The following MCM7 variants were observed in gnomAD, a reference collection of about 807,000 sequenced individuals.
MCM7 encodes the protein minichromosome maintenance complex component 7.
MCM7 carries 95 observed loss-of-function variants against 83.5 expected under a neutral mutation model. The ratio of observed to expected loss-of-function variants is 1.14; its 90% CI spans 0.96 to 1.35. The LOEUF is 1.35. Among genes scored for constraint, MCM7 ranks in the 40% most tolerant of loss-of-function variants. MCM7 has a pLI of 0.00. For synonymous variants in MCM7, 461 were observed against 352.7 expected (o/e 1.31, Z -3.44); for missense variants, 1,087 against 957.4 (o/e 1.14, Z -1.79).
chr7:100,094,303 A>C lies in MCM7; in HGVS notation c.1718T>G (p.Val573Gly). 3.1e-6 allele frequency: 5 copies of C among 1,614,184 alleles called. No homozygotes were observed. Among genetic ancestry groups the C allele is most frequent in the Non-Finnish European group, 4.2e-6 (5 of 1,180,028 alleles). Residue 573 changes from valine to glycine, a missense_variant, in exon 13 of 15, where the codon GTG (valine) becomes GGG (glycine). By Grantham distance (109) the Val-to-Gly change is moderately radical. Coordinates refer to ENST00000303887, the MANE Select transcript of MCM7 (RefSeq NM_005916.5). Reference protein sequence around the residue: ...IAMCREKQPMVPESLADYITA... With the variant: ...IAMCREKQPMGPESLADYITA... ...GATGTAGTCAGCCAGAGACTCTGGCACCATGGGCTGCTTCTCGCGGCACAT... is the reference window on the plus strand; with the variant it reads ...GATGTAGTCAGCCAGAGACTCTGGCCCCATGGGCTGCTTCTCGCGGCACAT...
intron 10 of MCM7, 90 bp from the exon 11 acceptor site, chr7:100,096,257 T>A: frequency 7.6e-7 from 1 of 1,310,402 alleles, no homozygotes; most frequent in African/African-American, 1.5e-5. Context: ...AGGCGAGGCC[T>A]GCGCTGGGAT....
At chr7:100,095,512 T>C in intron 11 of MCM7, 42 bp from the exon 12 acceptor site, 1 of 1,580,044 alleles carries the variant, frequency 6.3e-7, no homozygotes, top group Non-Finnish European at 8.7e-7. Context: ...TTTTTAGGGC[T>C]ACGCACCCAT....
intron 13 of MCM7, 189 bp downstream of exon 13, chr7:100,093,984 T>C (rs951381155): frequency 7.5e-6 from 6 of 800,150 alleles, no homozygotes; most frequent in Non-Finnish European, 8.9e-6. Context: ...CCACGGACGC[T>C]GTGCGTGCCC....
At chr7:100,093,644 A>G in intron 13 of MCM7, 2 of 742,856 alleles carry the variant, frequency 2.7e-6, no homozygotes, top group Non-Finnish European at 5.1e-6. Context: ...AACACTGGCC[A>G]GTCCCGGAGT....
chr7:100,095,805 G>T lies in MCM7; in HGVS notation c.1564C>A (p.Gln522Lys). ...TCATTGTCTCGGTCGGGCCGGTCCT[G>T]AATCAGCCAGAGGAGGTCAAACCGG... The part of the protein sequence containing the change: ...LSRFDLLWLI[Q>K]DRPDRDNDLR... The change falls in exon 11 of 15, where the codon CAG becomes AAG. Residue 522 changes from glutamine to lysine, a missense_variant. Coordinates refer to ENST00000303887, the MANE Select transcript of MCM7 (RefSeq NM_005916.5). 2 of 1,599,666 alleles carry T rather than the reference G, an allele frequency of 1.3e-6. No individual in the cohort carries two copies. Among genetic ancestry groups the T allele is most frequent in the South Asian group, 1.1e-5 (1 of 90,556 alleles).
At chr7:100,098,814 T>C in intron 5 of MCM7, 99 bp from the exon 6 acceptor site, 1 of 1,510,140 alleles carries the variant, frequency 6.6e-7, no homozygotes, top group South Asian at 1.2e-5. Context: ...GCAGACATCT[T>C]GTAAGTGTCA....
chr7:100,097,732 G>T lies in MCM7; in HGVS notation c.999C>A (p.Tyr333Ter). The change falls in exon 9 of 15, where the codon TAC (tyrosine) becomes TAA (stop). Residue 333 changes from tyrosine to a stop codon, truncating the protein, a stop_gained. Transcript: ENST00000303887. LOFTEE classifies it high-confidence loss of function. ...ELRQIAEEDF[Y>*]EKLAASIAPE... ...GGGCGATTGAAGCTGCCAGCTTTTCGTAGAAATCCTCCTCTGTAGAGAAGT... is the reference window on the plus strand; with the variant it reads ...GGGCGATTGAAGCTGCCAGCTTTTCTTAGAAATCCTCCTCTGTAGAGAAGT... 1 of 1,614,100 alleles carries T rather than the reference G, an allele frequency of 6.2e-7. No homozygotes were observed. The highest frequency in any genetic ancestry group is 8.5e-7 in the Non-Finnish European group (1 of 1,180,032).
chr7:100,099,318 C>G lies in MCM7; in HGVS notation c.362G>C (p.Ser121Thr). The G allele has an allele frequency of 6.2e-7, 1 of 1,613,626 alleles. No homozygotes were observed. Among genetic ancestry groups the G allele is most frequent in the Non-Finnish European group, 8.5e-7 (1 of 1,179,958 alleles). ...QRSRDPGMVR[S>T]PQNQYPAELM... ...TTCAGCAGGGTACTGGTTCTGGGGG[C>G]TTCGGACCATCCCAGGGTCCCGACT... The change falls in exon 4 of 15, where the codon AGC becomes ACC. Residue 121 changes from serine to threonine, a missense_variant. Coordinates refer to ENST00000303887, the MANE Select transcript of MCM7 (RefSeq NM_005916.5).
At position 100,099,642 on chromosome 7, in the gene MCM7, T is replaced by C. The variant is rs1415945753; in HGVS notation, c.223A>G (p.Lys75Glu). Residue 75 changes from lysine (K) to glutamate (E), a missense_variant, in exon 3 of 15, where the codon AAG becomes GAG. Physicochemically the swap from Lys to Glu is moderately conservative, Grantham distance 56. Transcript: ENST00000303887. Reference sequence around the variant, plus strand: ...TCTTGTACGGCATCAGCAAAGAGCTTCGCGTAGCGCCTGGCATTCTCACAA... The same window carrying C: ...TCTTGTACGGCATCAGCAAAGAGCTCCGCGTAGCGCCTGGCATTCTCACAA... ...SICENARRYA[K>E]LFADAVQELL... The C allele has an allele frequency of 1.2e-6, 2 of 1,614,018 alleles. No homozygotes were observed. Among genetic ancestry groups the C allele is most frequent in the African/African-American group, 1.3e-5 (1 of 74,914 alleles).
At chr7:100,099,837 A>AT in intron 2 of MCM7, 84 bp from the exon 3 acceptor site, 1 of 1,558,800 alleles carries the variant, frequency 6.4e-7, no homozygotes, top group South Asian at 1.2e-5. Flanking sequence ...CATCACTGAG[A>AT]ACTCAGCACA....
chr7:100,100,708 G>A, intron 1 of MCM7: 1 of 989,134 alleles, frequency 1.0e-6, no homozygotes, highest in Non-Finnish European at 1.2e-6. Context: ...CCCCCGGGCC[G>A]CAGCTCTCTC....
At position 100,100,761 on chromosome 7, in the gene MCM7, T is replaced by C. The variant is rs1460914814; in HGVS notation, c.31+503A>G. The C allele has an allele frequency of 5.0e-6, 5 of 991,194 alleles. No homozygotes were observed. In the South Asian group the frequency reaches 1.3e-4, roughly 26 times the overall value. The allele number at this position is 991,194 out of a possible 1,614,324, so 61.4% of individuals were successfully genotyped here. A position where few individuals can be genotyped will look rare whatever the true frequency, so the allele number is the denominator to read the frequency against. On this transcript the variant is annotated intron_variant, in intron 1 of 14. Coordinates refer to ENST00000303887, the MANE Select transcript of MCM7 (RefSeq NM_005916.5). ...AGGACACTGTTTACACGACACTCCC[T>C]CCAGCCTCCTCGCGCCACTTCCGCC...
intron 1 of MCM7, 85 bp from the exon 2 acceptor site, chr7:100,100,178 A>G: frequency 1.3e-6 from 2 of 1,536,176 alleles, no homozygotes; most frequent in Non-Finnish European, 1.8e-6. Context: ...CGACCTATGA[A>G]CTAATTAATA....
chr7:100,101,316 C>G lies in MCM7; in HGVS notation c.-22G>C, dbSNP rs761282862. 14 of 1,613,034 alleles carry G rather than the reference C, an allele frequency of 8.7e-6. No homozygotes were observed. The highest frequency in any genetic ancestry group is 8.3e-5 in the Admixed American group (5 of 60,026). ...CCATCGCTGCCGAGGGCCGTGCGGC[C>G]GCGCTTGGCGGGCTCAGAGGTCTTG... On this transcript the variant is annotated 5_prime_UTR_variant, in exon 1 of 15. Transcript: ENST00000303887.
At position 100,092,913 on chromosome 7, in the gene MCM7, G is replaced by C; in HGVS notation, c.*19C>G. ...CCAGCAGGGAACAAGAGGACCCCAG[G>C]GTTGCAAGCAGGCTGGAATCAGACA... On this transcript the variant is annotated 3_prime_UTR_variant, in exon 15 of 15. Coordinates refer to ENST00000303887, the MANE Select transcript of MCM7 (RefSeq NM_005916.5). 1.2e-6 allele frequency: 2 copies of C among 1,614,106 alleles called. No individual in the cohort carries two copies. Among genetic ancestry groups the C allele is most frequent in the Non-Finnish European group, 1.7e-6 (2 of 1,179,964 alleles).
At chr7:100,100,244 T>C (rs1050631700) in intron 1 of MCM7, 151 bp from the exon 2 acceptor site, 1 of 1,417,448 alleles carries the variant, frequency 7.1e-7, no homozygotes, top group African/African-American at 1.4e-5. Context: ...ATAACTCTTT[T>C]TCACAAGTCT....
chr7:100,100,992 C>T (rs1795985511), intron 1 of MCM7: 2 of 889,604 alleles, frequency 2.2e-6, no homozygotes, highest in African/African-American at 3.4e-5. Flanking sequence ...CCTGTGCAGC[C>T]CCCAGCCGGG....
In MCM7 at chr7:100,100,023, C is replaced by T. The variant is rs372340913; in HGVS notation, c.102G>A (p.Gly34=). ...DELGKKQFKY[G]NQLVRLAHRE... is the part of the protein sequence containing the mutation. The stretch of plus-strand genomic sequence containing the variant: ...CCAATCTTAGACTTACCAACTGGTT[C>T]CCATACTTGAACTGCTTCTTCCCGA... The change falls in exon 2 of 15, where the codon GGG becomes GGA. Residue 34 remains glycine (G), a synonymous_variant. Transcript: ENST00000303887. 4 of 1,613,884 alleles carry T rather than the reference C, an allele frequency of 2.5e-6. No homozygotes were observed. The African/African-American group carries it at 4.0e-5, about 16-fold the overall frequency.
In MCM7 at chr7:100,097,921, C is replaced by T; in HGVS notation, c.898G>A (p.Ala300Thr). 6.2e-7 allele frequency: 1 copy of T among 1,614,190 alleles called. No homozygotes were observed. The highest frequency in any genetic ancestry group is 8.5e-7 in the Non-Finnish European group (1 of 1,180,042). The part of the protein sequence containing the change: ...QGLLSETYLE[A>T]HRIVKMNKSE... ...TTGTTCATCTTCACAATCCGATGGG[C>T]TTCCAGGTAGGTTTCTGAGAGTAAA... The change falls in exon 8 of 15, where the codon GCC becomes ACC. Residue 300 changes from alanine to threonine, a missense_variant. Transcript: ENST00000303887.
Sources: allele counts gnomAD v4.1 joint callset, GRCh38; gene constraint gnomAD v4.1.1; transcripts MANE v1.5; gene names NCBI Gene and HGNC (gene_info 2026-07-23, HGNC 2026-07-21).